Variants in DSCAM observed in about 807,000 individuals in gnomAD.
The protein encoded by DSCAM is cell adhesion molecule DSCAM.
Under a neutral mutation model 217.7 loss-of-function variants are expected in DSCAM, and 47 were observed. The ratio of observed to expected loss-of-function variants is 0.22; its 90% CI spans 0.17 to 0.28. The LOEUF (loss-of-function observed/expected upper bound fraction) is 0.28. Among genes scored for constraint, DSCAM ranks in the 10% least tolerant of loss-of-function variants. The pLI, the probability that DSCAM is intolerant of heterozygous loss-of-function variation, is 1.00. For missense variants in DSCAM, 2,080 were observed against 2,618.3 expected, an observed-to-expected ratio of 0.79 and a Z score of 4.49; for synonymous variants, 1,056 against 1,015.3, an observed-to-expected ratio of 1.04 and a Z score of -0.76.
intron 3 of DSCAM, among the ~76,000 whole-genome samples, chr21:40,665,233 T>C (rs1601833065): frequency 6.6e-6 from 1 of 151,940 alleles, no homozygotes; most frequent in African/African-American, 2.4e-5. Context: ...TCAGAGTGAG[T>C]AGTCAAAAGC....
intron 3 of DSCAM, among the ~76,000 whole-genome samples, chr21:40,690,582 G>T (rs1348686734): frequency 2.0e-5 from 3 of 152,216 alleles, no homozygotes; most frequent in Non-Finnish European, 2.9e-5. Context: ...TCCAGTATCT[G>T]ACTGAGGAGA....
intron 3 of DSCAM, among the ~76,000 whole-genome samples, chr21:40,686,180 G>C (rs2090472783): frequency 6.9e-6 from 1 of 144,818 alleles, no homozygotes; most frequent in Admixed American, 7.0e-5. Context: ...CACACATACA[G>C]AGCACACACA....
At chr21:40,690,171 C>G (rs1167410931) in intron 3 of DSCAM, among the ~76,000 whole-genome samples, 2 of 152,224 alleles carry the variant, frequency 1.3e-5, no homozygotes, top group African/African-American at 4.8e-5. Flanking sequence ...TGCGTCACCT[C>G]CAGTGACTTC....
intron 1 of DSCAM, among the ~76,000 whole-genome samples, chr21:40,710,995 T>C (rs2090773491): frequency 6.7e-6 from 1 of 150,276 alleles, no homozygotes; most frequent in Non-Finnish European, 1.5e-5. Context: ...GACGGTGACA[T>C]GGAGATTCAC....
intron 3 of DSCAM, among the ~76,000 whole-genome samples, chr21:40,690,519 A>G (rs1568986994): frequency 6.6e-6 from 1 of 152,200 alleles, no homozygotes; most frequent in Non-Finnish European, 1.5e-5. Context: ...TGAAGTACAA[A>G]CCAAGCACTT....
chr21:40,421,094 A>G (rs764633789), intron 3 of DSCAM, among the ~76,000 whole-genome samples: 3 of 152,208 alleles, frequency 2.0e-5, no homozygotes, highest in Non-Finnish European at 4.4e-5. Context: ...TATATTTACC[A>G]TAATATGTTA....
At chr21:40,428,118 T>C (rs2075493254) in intron 3 of DSCAM, among the ~76,000 whole-genome samples, 1 of 152,178 alleles carries the variant, frequency 6.6e-6, no homozygotes, top group Non-Finnish European at 1.5e-5. Context: ...AGGCTTGGCA[T>C]GTTCAACACC....
At chr21:40,673,534 A>G (rs1219750601) in intron 3 of DSCAM, among the ~76,000 whole-genome samples, 1 of 152,184 alleles carries the variant, frequency 6.6e-6, no homozygotes. Flanking sequence ...ATTATATTCT[A>G]TAGAATAACA....
chr21:40,717,082 G>A (rs1027345222), intron 1 of DSCAM, among the ~76,000 whole-genome samples: 2 of 152,190 alleles, frequency 1.3e-5, no homozygotes, highest in Non-Finnish European at 2.9e-5. Context: ...AAAGGTGCTG[G>A]GAAGCAGGAA....
chr21:40,795,852 A>G (rs2091687105), intron 1 of DSCAM, among the ~76,000 whole-genome samples: 1 of 152,220 alleles, frequency 6.6e-6, no homozygotes, highest in South Asian at 2.1e-4. Flanking sequence ...TTTGGTATTT[A>G]GTGGGCCTCA....
In DSCAM at chr21:40,144,343, G is replaced by T; in HGVS notation, c.3259+148C>A. On this transcript the variant is annotated intron_variant, in intron 17 of 32. Coordinates refer to ENST00000400454, the MANE Select transcript of DSCAM (RefSeq NM_001389.5). This position sits in a 1 kb window ranked among gnomAD's most constrained non-coding sequence, Gnocchi z 4.8. Reference sequence around the variant, plus strand: ...ATCAGCGGGGTGGGCGAGGTCACGAGGGAAGGCTTTTCCACCCGAGACCCC... The same window carrying T: ...ATCAGCGGGGTGGGCGAGGTCACGATGGAAGGCTTTTCCACCCGAGACCCC... 1.5e-6 allele frequency: 2 copies of T among 1,323,258 alleles called. No homozygotes were observed. Among genetic ancestry groups the T allele is most frequent in the Non-Finnish European group, 2.1e-6 (2 of 964,062 alleles). The allele number at this position is 1,323,258 out of a possible 1,614,324, so 82.0% of individuals were successfully genotyped here.
chr21:40,434,878 T>C (rs2075569033), intron 3 of DSCAM, among the ~76,000 whole-genome samples: 1 of 152,292 alleles, frequency 6.6e-6, no homozygotes, highest in South Asian at 2.1e-4. Flanking sequence ...TGAATGATTA[T>C]TTCCTCACAG....
intron 3 of DSCAM, among the ~76,000 whole-genome samples, chr21:40,421,521 G>T (rs2075423811): frequency 6.6e-6 from 1 of 152,162 alleles, no homozygotes; most frequent in South Asian, 2.1e-4. Flanking sequence ...GAAAAATTTG[G>T]ATATCAAATA....
At chr21:40,651,938 A>G (rs983209589) in intron 3 of DSCAM, among the ~76,000 whole-genome samples, 1 of 152,178 alleles carries the variant, frequency 6.6e-6, no homozygotes, top group African/African-American at 2.4e-5. Flanking sequence ...AGGGACAGGC[A>G]CAAAAGAGGT....
At chr21:40,669,445 T>C (rs2090243409) in intron 3 of DSCAM, among the ~76,000 whole-genome samples, 1 of 152,188 alleles carries the variant, frequency 6.6e-6, no homozygotes, top group Non-Finnish European at 1.5e-5. Context: ...CCAGTTACTA[T>C]TCTAGAAATT....
chr21:40,459,701 T>C (rs995775411), intron 3 of DSCAM, among the ~76,000 whole-genome samples: 1 of 152,194 alleles, frequency 6.6e-6, no homozygotes, highest in Non-Finnish European at 1.5e-5. Flanking sequence ...AATTAATCTA[T>C]ATATTTCAAA....
chr21:40,077,567 C>A (rs2089384286), intron 26 of DSCAM, among the ~76,000 whole-genome samples: 1 of 152,116 alleles, frequency 6.6e-6, no homozygotes, highest in South Asian at 2.1e-4. Flanking sequence ...CCCAAATGCA[C>A]AAAGTAAAGA....
chr21:40,187,328 G>T (rs1434714182), intron 13 of DSCAM, 69 bp from the exon 14 acceptor site: 2 of 1,578,026 alleles, frequency 1.3e-6, no homozygotes, highest in Non-Finnish European at 1.7e-6. Context: ...TAGTGGAAAT[G>T]CTGAGCGTGA....
intron 1 of DSCAM, among the ~76,000 whole-genome samples, chr21:40,820,107 G>A (rs530464561): frequency 5.9e-5 from 9 of 152,212 alleles, no homozygotes; most frequent in East Asian, 3.9e-4. Context: ...ATCCCATTAC[G>A]GGGTATATAC....
Sources: allele counts gnomAD v4.1 joint callset (sites outside exome capture counted in the v4.1 genomes callset), GRCh38; gene constraint gnomAD v4.1.1; non-coding constraint Gnocchi (gnomAD v3.1); transcripts MANE v1.5; gene names NCBI Gene and HGNC (gene_info 2026-07-23, HGNC 2026-07-21).